The following ST6GALNAC5 variants were observed in gnomAD, a reference collection of about 807,000 sequenced individuals.
ST6GALNAC5 encodes alpha-N-acetylgalactosaminide alpha-2,6-sialyltransferase 5.
ST6GALNAC5 carries 27 observed loss-of-function variants against 33.6 expected under a neutral mutation model. The observed-to-expected ratio is 0.80, with a 90% confidence interval of 0.59 to 1.11. The LOEUF is 1.11. ST6GALNAC5 is among the 50% of genes least tolerant of loss of function. The probability of loss-of-function intolerance (pLI) is 0.00; values close to 1 mark genes in which losing one functional copy is unlikely to be tolerated. For synonymous variants in ST6GALNAC5, 194 were observed against 171.2 expected (o/e 1.13, Z -1.04); for missense variants, 428 against 454.0 (o/e 0.94, Z 0.52).
In ST6GALNAC5 at chr1:76,952,644, A is replaced by T. The variant is rs192382463; in HGVS notation, c.261+83902A>T. Among the ~76,000 whole-genome samples the T allele has an allele frequency of 7.3e-4, 111 of 152,248 alleles. 1 individual carries two copies. The highest frequency in any genetic ancestry group is 2.5e-3 in the African/African-American group (104 of 41,558). On this transcript the variant is annotated intron_variant, in intron 2 of 4. Transcript: ENST00000477717. ...TGTCCATCATGTGTATTGCAACATC[A>T]CTATGTACCCCATAAACATGTACAA...
At chr1:76,890,856 A>T (rs1018797821) in intron 2 of ST6GALNAC5, among the ~76,000 whole-genome samples, 4 of 152,192 alleles carry the variant, frequency 2.6e-5, no homozygotes, top group African/African-American at 9.6e-5. Context: ...AAATGAGATT[A>T]CACTACATTT....
At chr1:76,880,164 G>C (rs1653744743) in intron 2 of ST6GALNAC5, among the ~76,000 whole-genome samples, 1 of 152,140 alleles carries the variant, frequency 6.6e-6, no homozygotes, top group Non-Finnish European at 1.5e-5. Flanking sequence ...ATGGTCAAAG[G>C]TATTAGGTAT....
At chr1:76,915,138 A>G (rs1321765656) in intron 2 of ST6GALNAC5, among the ~76,000 whole-genome samples, 7 of 151,704 alleles carry the variant, frequency 4.6e-5, no homozygotes, top group East Asian at 1.9e-4. Context: ...CAAAACCACA[A>G]TGAGATACCA....
Position 76,868,428 on chromosome 1 carries a change from C to T in ST6GALNAC5, c.16-69C>T. The T allele has an allele frequency of 6.5e-7, 1 of 1,537,348 alleles. No homozygotes were observed. Among genetic ancestry groups the T allele is most frequent in the Non-Finnish European group, 8.8e-7 (1 of 1,140,304 alleles). ...CTAGAGTGACCACCGCACAGTTGTCCCCGCTGGGCGCGCTCCTCCGGTGTC... is the reference window on the plus strand; with the variant it reads ...CTAGAGTGACCACCGCACAGTTGTCTCCGCTGGGCGCGCTCCTCCGGTGTC... On this transcript the variant is annotated intron_variant, in intron 1 of 4. Coordinates refer to ENST00000477717, the MANE Select transcript of ST6GALNAC5 (RefSeq NM_030965.3). This position sits in a 1 kb window ranked among gnomAD's most constrained non-coding sequence, Gnocchi z 4.3.
intron 2 of ST6GALNAC5, among the ~76,000 whole-genome samples, chr1:76,935,586 GTTGTA>G (rs981703728): frequency 4.9e-4 from 74 of 152,038 alleles, no homozygotes; most frequent in African/African-American, 1.7e-3. Context: ...TAAAATTGGT[GTTGTA>G]TTGGTTGGTT....
chr1:76,988,548 C>T (rs1649599941), intron 2 of ST6GALNAC5, among the ~76,000 whole-genome samples: 1 of 151,998 alleles, frequency 6.6e-6, no homozygotes, highest in Non-Finnish European at 1.5e-5. Flanking sequence ...CTGGATCCAG[C>T]AGCATACTGA....
intron 3 of ST6GALNAC5, 42 bp from the exon 4 acceptor site, chr1:77,050,216 G>T: frequency 1.3e-6 from 2 of 1,558,194 alleles, no homozygotes; most frequent in East Asian, 2.2e-5. Flanking sequence ...GGGTATAATG[G>T]TTACTTTACC....
chr1:76,919,625 T>G (rs1426223471), intron 2 of ST6GALNAC5, among the ~76,000 whole-genome samples: 1 of 152,216 alleles, frequency 6.6e-6, no homozygotes, highest in African/African-American at 2.4e-5. Flanking sequence ...TTAGAACCTG[T>G]ATTAATTCAT....
At chr1:76,953,392 T>C (rs1391043290) in intron 2 of ST6GALNAC5, among the ~76,000 whole-genome samples, 1 of 152,152 alleles carries the variant, frequency 6.6e-6, no homozygotes, top group African/African-American at 2.4e-5. Context: ...TGCTGATATC[T>C]CATTGTGGTT....
At chr1:76,972,779 T>G (rs1411580726) in intron 2 of ST6GALNAC5, among the ~76,000 whole-genome samples, 1 of 152,174 alleles carries the variant, frequency 6.6e-6, no homozygotes, top group Non-Finnish European at 1.5e-5. Context: ...CATTTTGCAC[T>G]CCCATCATCA....
chr1:76,930,366 G>C (rs1200129643), intron 2 of ST6GALNAC5, among the ~76,000 whole-genome samples: 4 of 132,380 alleles, frequency 3.0e-5, no homozygotes, highest in African/African-American at 1.1e-4. Context: ...CCTTCACTCA[G>C]TAGGTAGAAT....
intron 2 of ST6GALNAC5, among the ~76,000 whole-genome samples, chr1:77,031,038 A>C (rs1651432518): frequency 6.6e-6 from 1 of 152,250 alleles, no homozygotes; most frequent in Non-Finnish European, 1.5e-5. Context: ...GGGAAAAAGA[A>C]GAAAATGTGA....
intron 2 of ST6GALNAC5, among the ~76,000 whole-genome samples, chr1:76,879,659 C>T (rs2100920495): frequency 6.6e-6 from 1 of 152,262 alleles, no homozygotes; most frequent in Admixed American, 6.5e-5. Context: ...GAGGCCATCA[C>T]TGTTGCCTCA....
chr1:76,893,306 T>C (rs1345743576), intron 2 of ST6GALNAC5, among the ~76,000 whole-genome samples: 1 of 152,136 alleles, frequency 6.6e-6, no homozygotes, highest in Non-Finnish European at 1.5e-5. Context: ...GGAAGCAGCA[T>C]ATTGAGATAT....
chr1:77,028,855 A>G (rs764774165), intron 2 of ST6GALNAC5, among the ~76,000 whole-genome samples: 27 of 152,352 alleles, frequency 1.8e-4, no homozygotes, highest in Non-Finnish European at 3.1e-4. Context: ...CCAAGCAATC[A>G]TTATTAAAGA....
rs1207629686 is a variant in ST6GALNAC5 at position 77,066,288 on chromosome 1, A to G, written c.*3082A>G. 1.3e-5 allele frequency among the ~76,000 whole-genome samples: 2 copies of G among 152,128 alleles called. No individual in the cohort carries two copies. Among genetic ancestry groups the G allele is most frequent in the African/African-American group, 2.4e-5 (1 of 41,428 alleles). On this transcript the variant is annotated 3_prime_UTR_variant, in exon 5 of 5. Coordinates refer to ENST00000477717, the MANE Select transcript of ST6GALNAC5 (RefSeq NM_030965.3). ...AAAAAATAGATGAAAGCAAAACACA[A>G]CGTATTGTACCTAAAAGAGAAATTT... is the stretch of plus-strand genomic sequence containing the variant.
chr1:76,883,813 G>A (rs1653837240), intron 2 of ST6GALNAC5, among the ~76,000 whole-genome samples: 1 of 152,160 alleles, frequency 6.6e-6, no homozygotes, highest in African/African-American at 2.4e-5. Context: ...CTAGCATTGT[G>A]TTCAGGACCC....
chr1:76,966,485 A>G (rs1648486540), intron 2 of ST6GALNAC5, among the ~76,000 whole-genome samples: 2 of 152,244 alleles, frequency 1.3e-5, no homozygotes, highest in Non-Finnish European at 2.9e-5. Context: ...TTATCAGCTT[A>G]AGGAGATTTT....
At position 76,915,902 on chromosome 1, in the gene ST6GALNAC5, T is replaced by C. The variant is rs1646968210; in HGVS notation, c.261+47160T>C. ...AAAAAAAAACAAAAAAACAAAAAAC[T>C]TCCTTGGATAATAATAATAATAATT... On this transcript the variant is annotated intron_variant, in intron 2 of 4. Coordinates refer to ENST00000477717, the MANE Select transcript of ST6GALNAC5 (RefSeq NM_030965.3). Among the ~76,000 whole-genome samples the C allele has an allele frequency of 5.5e-5, 6 of 109,364 alleles. No homozygotes were observed. The South Asian group carries it at 1.6e-3, about 28-fold the overall frequency. The allele number at this position is 109,364 out of a possible 152,430, so 71.7% of individuals were successfully genotyped here. A position where few individuals can be genotyped will look rare whatever the true frequency, so the allele number is the denominator to read the frequency against.
Sources: allele counts gnomAD v4.1 joint callset (sites outside exome capture counted in the v4.1 genomes callset), GRCh38; gene constraint gnomAD v4.1.1; non-coding constraint Gnocchi (gnomAD v3.1); transcripts MANE v1.5; gene names NCBI Gene and HGNC (gene_info 2026-07-23, HGNC 2026-07-21).